The following CAPN1 variants were observed in gnomAD, a reference collection of about 807,000 sequenced individuals.
The protein encoded by CAPN1 is calpain 1, also known as calpain-1 catalytic subunit.
In CAPN1, 77 loss-of-function variants were observed where a neutral mutation model predicts 105.2. That is an observed-to-expected ratio of 0.73 (90% CI 0.61 to 0.88). The LOEUF (loss-of-function observed/expected upper bound fraction) is 0.88. Among genes scored for constraint, CAPN1 ranks in the 40% least tolerant of loss-of-function variants. The pLI, the probability that CAPN1 is intolerant of heterozygous loss-of-function variation, is 0.00. For missense variants in CAPN1, 833 were observed against 976.6 expected (o/e 0.85, Z 1.96); for synonymous variants, 355 against 388.8 (o/e 0.91, Z 1.02).
intron 6 of CAPN1, among the ~76,000 whole-genome samples, chr11:65,186,700 C>T (rs1948638933): frequency 6.6e-6 from 1 of 152,080 alleles, no homozygotes; most frequent in Non-Finnish European, 1.5e-5. Flanking sequence ...AGCCTCAATC[C>T]CACACTCACT....
Position 65,209,475 on chromosome 11 carries a change from A to G in CAPN1, c.1794+88A>G. ...GAACTGTCCCAGGACAGCACAGAGA[A>G]CAGGACAGAGCCATGCGGAGTGTGG... On this transcript the variant is annotated intron_variant, in intron 17 of 21. Coordinates refer to ENST00000279247, the MANE Select transcript of CAPN1 (RefSeq NM_005186.4). This position sits in a 1 kb window ranked among gnomAD's most constrained non-coding sequence, Gnocchi z 4.1. The G allele has an allele frequency of 8.8e-7, 1 of 1,134,612 alleles. No individual in the cohort carries two copies. The highest frequency in any genetic ancestry group is 1.3e-6 in the Non-Finnish European group (1 of 760,862). The allele number at this position is 1,134,612 out of a possible 1,614,324, so 70.3% of individuals were successfully genotyped here. A position where few individuals can be genotyped will look rare whatever the true frequency, so the allele number is the denominator to read the frequency against.
At chr11:65,189,798 A>G (rs1040407202) in intron 10 of CAPN1, among the ~76,000 whole-genome samples, 1 of 152,210 alleles carries the variant, frequency 6.6e-6, no homozygotes, top group Non-Finnish European at 1.5e-5. Flanking sequence ...CAAATCTCAA[A>G]TGAGCATTTT....
At chr11:65,198,481 A>G (rs1257642348) in intron 10 of CAPN1, among the ~76,000 whole-genome samples, 7 of 152,168 alleles carry the variant, frequency 4.6e-5, no homozygotes, top group Non-Finnish European at 1.0e-4. Flanking sequence ...TGAACAATGC[A>G]TAAACCTTAG....
intron 10 of CAPN1, among the ~76,000 whole-genome samples, chr11:65,199,135 CT>C (rs1948832457): frequency 6.6e-6 from 1 of 152,108 alleles, no homozygotes; most frequent in South Asian, 2.1e-4. Context: ...ACACCTGGCC[CT>C]TTTTGTATTT....
Position 65,210,021 on chromosome 11 carries a change from A to G in CAPN1, c.1867A>G (p.Ile623Val), listed in dbSNP as rs747981476. The G allele has an allele frequency of 1.2e-6, 2 of 1,612,906 alleles. No individual in the cohort carries two copies. The highest frequency in any genetic ancestry group is 1.7e-6 in the Non-Finnish European group (2 of 1,179,760). Residue 623 changes from isoleucine (I) to valine (V), a missense_variant, in exon 19 of 22, where the codon ATC becomes GTC. By Grantham distance (29) the Ile-to-Val change is conservative. Coordinates refer to ENST00000279247, the MANE Select transcript of CAPN1 (RefSeq NM_005186.4). This position sits in a 1 kb window ranked among gnomAD's most constrained non-coding sequence, Gnocchi z 4.3. ...LWNRIRNYLS[I>V]FRKFDLDKSG... ...TCACCCTCTGCCGCCACCTCAGTCCATCTTCCGGAAGTTTGACCTGGACAA... is the reference window on the plus strand; with the variant it reads ...TCACCCTCTGCCGCCACCTCAGTCCGTCTTCCGGAAGTTTGACCTGGACAA...
At chr11:65,205,860 C>A in intron 12 of CAPN1, 139 bp downstream of exon 12, 1 of 781,202 alleles carries the variant, frequency 1.3e-6, no homozygotes, top group Non-Finnish European at 2.3e-6. Context: ...CTTCTCCCCA[C>A]CTGTTCAGTG....
rs772996730 is a variant in CAPN1, at chr11:65,206,508, G to C, written c.1399G>C (p.Ala467Pro). Residue 467 changes from alanine to proline, a missense_variant, in exon 13 of 22, where the codon GCC (alanine) becomes CCC (proline). Physicochemically the swap from Ala to Pro is conservative, Grantham distance 27. Coordinates refer to ENST00000279247, the MANE Select transcript of CAPN1 (RefSeq NM_005186.4). ...AVHLKRDFFL[A>P]NASRARSEQF... ...ACACTTGAAGCGTGACTTCTTCCTG[G>C]CCAATGCGTCTCGGGCGCGCTCAGA... 6.2e-7 allele frequency: 1 copy of C among 1,613,396 alleles called. No homozygotes were observed. Among genetic ancestry groups the C allele is most frequent in the Admixed American group, 1.7e-5 (1 of 60,030 alleles).
intron 10 of CAPN1, among the ~76,000 whole-genome samples, chr11:65,191,696 G>C (rs916012696): frequency 1.3e-5 from 2 of 152,140 alleles, no homozygotes; most frequent in African/African-American, 4.8e-5. Flanking sequence ...TTCTAATTAG[G>C]AATATAGCAT....
intron 10 of CAPN1, among the ~76,000 whole-genome samples, chr11:65,197,153 A>G (rs920815916): frequency 6.6e-6 from 1 of 152,170 alleles, no homozygotes; most frequent in African/African-American, 2.4e-5. Context: ...TCTGAGTACT[A>G]GGGGGATTGT....
At position 65,211,399 on chromosome 11, in the gene CAPN1, A is replaced by T; in HGVS notation, c.*113A>T. The T allele has an allele frequency of 2.0e-6, 2 of 998,544 alleles. No homozygotes were observed. The highest frequency in any genetic ancestry group is 2.6e-5 in the East Asian group (1 of 39,196). 61.9% of individuals were successfully genotyped at this position (998,544 alleles called of 1,614,324 possible). On this transcript the variant is annotated 3_prime_UTR_variant, in exon 22 of 22. Coordinates refer to ENST00000279247, the MANE Select transcript of CAPN1 (RefSeq NM_005186.4). ...GCTGCAAGTGCCTTCCTTGGAGCAG[A>T]GAGGCAGCCTCGTCCTCCTGTCCCC...
At chr11:65,206,032 G>A (rs2137386530) in intron 12 of CAPN1, 1 of 527,492 alleles carries the variant, frequency 1.9e-6, no homozygotes. Context: ...GTCCAGCAAT[G>A]TCAGGAGCAG....
chr11:65,199,444 T>C (rs1261950644), intron 10 of CAPN1, among the ~76,000 whole-genome samples: 1 of 152,218 alleles, frequency 6.6e-6, no homozygotes, highest in East Asian at 1.9e-4. Flanking sequence ...CTTGAATGTA[T>C]TGAACTTCCT....
Position 65,188,224 on chromosome 11 carries a change from C to A in CAPN1, c.929+184C>A. On this transcript the variant is annotated intron_variant, in intron 8 of 21. Transcript: ENST00000279247. This position sits in a 1 kb window ranked among gnomAD's most constrained non-coding sequence, Gnocchi z 5.5. ...GGCCGTGCGGGCCCCTGTGCCCAGC[C>A]GTCGGGTGTGTGCAGGGCATCAGAC... The A allele has an allele frequency of 1.5e-6, 1 of 683,016 alleles. No individual in the cohort carries two copies. Among genetic ancestry groups the A allele is most frequent in the Non-Finnish European group, 2.5e-6 (1 of 405,436 alleles). 42.3% of individuals were successfully genotyped at this position (683,016 alleles called of 1,614,324 possible).
At chr11:65,185,868 A>G (rs1218980322) in intron 4 of CAPN1, 49 bp from the exon 5 acceptor site, 1 of 1,543,040 alleles carries the variant, frequency 6.5e-7, no homozygotes, top group South Asian at 1.2e-5. Flanking sequence ...GATGGAGCTC[A>G]GGTCCGGGGG....
At chr11:65,200,033 A>G (rs1424254510) in intron 10 of CAPN1, among the ~76,000 whole-genome samples, 2 of 152,192 alleles carry the variant, frequency 1.3e-5, no homozygotes, top group African/African-American at 4.8e-5. Flanking sequence ...CCACCAATCC[A>G]GAACACCTTT....
In CAPN1 at chr11:65,188,859, G is replaced by C. The variant is rs1948681082; in HGVS notation, c.1165+113G>C. On this transcript the variant is annotated intron_variant, in intron 10 of 21. Coordinates refer to ENST00000279247, the MANE Select transcript of CAPN1 (RefSeq NM_005186.4). The surrounding 1 kb of genome is among the most constrained non-coding windows in gnomAD (Gnocchi z 5.5). ...CTTGCAAGATATAGGCTGATCTCTT[G>C]AATTTGCTTTGAGGAGTAAAATATT... The C allele has an allele frequency of 3.3e-6, 3 of 907,818 alleles. No homozygotes were observed. The South Asian group carries it at 5.1e-5, about 15-fold the overall frequency. 56.2% of individuals were successfully genotyped at this position (907,818 alleles called of 1,614,324 possible). A position where few individuals can be genotyped will look rare whatever the true frequency, so the allele number is the denominator to read the frequency against.
intron 10 of CAPN1, among the ~76,000 whole-genome samples, chr11:65,195,116 T>G (rs956701033): frequency 4.7e-4 from 69 of 146,952 alleles, no homozygotes; most frequent in African/African-American, 8.3e-4. Flanking sequence ...TTTTTTTTTT[T>G]TTTTTTTTTT....
In CAPN1 at chr11:65,185,912, C is replaced by T. The variant is rs181157347; in HGVS notation, c.457-5C>T. ...GCAGGTACTCACCGTGCCCCTCCCC[C>T]ACAGCTGTGGCAATTTGGGGAGTGG... On this transcript the variant is annotated splice_polypyrimidine_tract_variant and splice_region_variant and intron_variant, in intron 4 of 21. Coordinates refer to ENST00000279247, the MANE Select transcript of CAPN1 (RefSeq NM_005186.4). 1.3e-5 allele frequency: 21 copies of T among 1,576,916 alleles called. No homozygotes were observed. Among genetic ancestry groups the T allele is most frequent in the Non-Finnish European group, 1.7e-5 (20 of 1,161,422 alleles).
At chr11:65,205,066 A>G (rs1442798500) in intron 11 of CAPN1, among the ~76,000 whole-genome samples, 1 of 152,156 alleles carries the variant, frequency 6.6e-6, no homozygotes, top group African/African-American at 2.4e-5. Flanking sequence ...GAAAGAGAGG[A>G]AGGGGGTTGG....
Sources: allele counts gnomAD v4.1 joint callset (sites outside exome capture counted in the v4.1 genomes callset), GRCh38; gene constraint gnomAD v4.1.1; non-coding constraint Gnocchi (gnomAD v3.1); transcripts MANE v1.5; gene names NCBI Gene and HGNC (gene_info 2026-07-23, HGNC 2026-07-21).